The following LRP2 variants were observed in gnomAD, a reference collection of about 807,000 sequenced individuals.
LRP2 encodes low-density lipoprotein receptor-related protein 2.
Under a neutral mutation model 531.0 loss-of-function variants are expected in LRP2, and 172 were observed. The ratio of observed to expected loss-of-function variants is 0.32; its 90% CI spans 0.29 to 0.37. The LOEUF (loss-of-function observed/expected upper bound fraction) is 0.37. Ranked by LOEUF, LRP2 falls within the 10% of genes least tolerant of loss-of-function variation. The pLI, the probability that LRP2 is intolerant of heterozygous loss-of-function variation, is 1.00. For missense variants in LRP2, 5,167 were observed against 5,868.3 expected, an observed-to-expected ratio of 0.88 and a Z score of 3.90; for synonymous variants, 1,992 against 2,027.6, an observed-to-expected ratio of 0.98 and a Z score of 0.47.
chr2:169,336,687 TA>T (rs1411088241), intron 1 of LRP2, among the ~76,000 whole-genome samples: 1 of 152,130 alleles, frequency 6.6e-6, no homozygotes, highest in Non-Finnish European at 1.5e-5. Flanking sequence ...CACTCCAAAC[TA>T]AATGCAACGC....
chr2:169,319,499 T>C (rs774926933), intron 2 of LRP2, among the ~76,000 whole-genome samples: 1 of 152,220 alleles, frequency 6.6e-6, no homozygotes, highest in Non-Finnish European at 1.5e-5. Flanking sequence ...TTGTTATTAT[T>C]TTTACAGGTC....
Position 169,239,709 on chromosome 2 carries a change from G to A in LRP2, c.4112C>T (p.Ala1371Val). ...GAATCCCAATGGACATAGGCATTTAGCCCCAAAGGGCTCTTGAACACACTC... is the reference window on the plus strand; with the variant it reads ...GAATCCCAATGGACATAGGCATTTAACCCCAAAGGGCTCTTGAACACACTC... ...THECVQEPFGAKCLCPLGFLL... is the reference protein window; with the variant it reads ...THECVQEPFGVKCLCPLGFLL... Residue 1371 changes from alanine to valine, a missense_variant, in exon 26 of 79, where the codon GCT (alanine) becomes GTT (valine). This residue lies in a region of LRP2 where 2,811 missense variants were observed against 3,058.0 expected (regional missense o/e 0.92). Transcript: ENST00000649046. 6.2e-7 allele frequency: 1 copy of A among 1,613,960 alleles called. No homozygotes were observed. The highest frequency in any genetic ancestry group is 8.5e-7 in the Non-Finnish European group (1 of 1,179,846).
At chr2:169,184,620 A>G (rs199918776) in intron 50 of LRP2, among the ~76,000 whole-genome samples, 1 of 152,210 alleles carries the variant, frequency 6.6e-6, no homozygotes. Flanking sequence ...CTGGTAGTTT[A>G]GTTAAAATAT....
chr2:169,316,027 C>G (rs948267073), intron 3 of LRP2, among the ~76,000 whole-genome samples: 2 of 149,962 alleles, frequency 1.3e-5, no homozygotes, highest in Admixed American at 6.6e-5. Context: ...GTAGTCCCAG[C>G]TACTCTGGAG....
chr2:169,285,571 C>T (rs1683833413), intron 9 of LRP2, among the ~76,000 whole-genome samples: 1 of 152,128 alleles, frequency 6.6e-6, no homozygotes, highest in Admixed American at 6.5e-5. Context: ...CTCCTCCCAC[C>T]AACAAATACT....
At chr2:169,134,722 A>G (rs1685431491) in intron 76 of LRP2, among the ~76,000 whole-genome samples, 1 of 152,064 alleles carries the variant, frequency 6.6e-6, no homozygotes, top group Non-Finnish European at 1.5e-5. Context: ...GACTCTATAT[A>G]TGCCTTCCAT....
rs775020369 is a variant in LRP2 at position 169,225,382 on chromosome 2, A to C, written c.5466T>G (p.Pro1822=). Reference sequence around the variant, plus strand: ...TCCAATCTAAGGCCAGGTTCATAGAAGGCCCCACCATAGATATAGAAGCAA... The same window carrying C: ...TCCAATCTAAGGCCAGGTTCATAGACGGCCCCACCATAGATATAGAAGCAA... ...TVFASISMVG[P]SMNLALDWIS... Residue 1822 remains proline, a synonymous_variant, in exon 33 of 79, where the codon CCT becomes CCG. Coordinates refer to ENST00000649046, the MANE Select transcript of LRP2 (RefSeq NM_004525.3). 5.6e-6 allele frequency: 9 copies of C among 1,613,882 alleles called. No homozygotes were observed. The Admixed American group carries it at 1.2e-4, about 21-fold the overall frequency.
chr2:169,218,579 C>T (rs1219879446), intron 34 of LRP2, among the ~76,000 whole-genome samples: 1 of 152,116 alleles, frequency 6.6e-6, no homozygotes, highest in Non-Finnish European at 1.5e-5. Context: ...GAACTCCCCA[C>T]CATGGCCCCA....
chr2:169,165,803 A>T, intron 62 of LRP2, 129 bp downstream of exon 62: 1 of 1,109,294 alleles, frequency 9.0e-7, no homozygotes, highest in Non-Finnish European at 1.4e-6. Context: ...GTAAACAATT[A>T]TGTCAGCAGA....
At chr2:169,139,188 T>G in intron 74 of LRP2, 63 bp downstream of exon 74, 1 of 1,612,498 alleles carries the variant, frequency 6.2e-7, no homozygotes, top group Non-Finnish European at 8.5e-7. Flanking sequence ...ACTAAGTCCT[T>G]CACATGGCTT....
At position 169,292,382 on chromosome 2, in the gene LRP2, A is replaced by C. The variant is rs774379598; in HGVS notation, c.653-13T>G. The C allele has an allele frequency of 1.3e-6, 2 of 1,522,262 alleles. No homozygotes were observed. The highest frequency in any genetic ancestry group is 3.3e-5 in the Admixed American group (2 of 59,904). 94.3% of individuals were successfully genotyped at this position (1,522,262 alleles called of 1,614,324 possible). A position where few individuals can be genotyped will look rare whatever the true frequency, so the allele number is the denominator to read the frequency against. On this transcript the variant is annotated splice_polypyrimidine_tract_variant and intron_variant, in intron 6 of 78. Coordinates refer to ENST00000649046, the MANE Select transcript of LRP2 (RefSeq NM_004525.3). The stretch of plus-strand genomic sequence containing the variant: ...CAGGTCGGATAGTCTGGAATAAAGC[A>C]ACAGCTGCACTCCAAAGACACAAAT...
rs1438812708 is a variant in LRP2, at chr2:169,280,626, T to TG, written c.1172-108dup. 1.4e-5 allele frequency: 16 copies of TG among 1,111,916 alleles called. No individual in the cohort carries two copies. In the African/African-American group the frequency reaches 2.2e-4, roughly 15 times the overall value. 68.9% of individuals were successfully genotyped at this position (1,111,916 alleles called of 1,614,324 possible). On this transcript the variant is annotated intron_variant, in intron 10 of 78. Transcript: ENST00000649046. ...CTTTTTCAAATGCTATCTTCTAGGT[T>TG]GTCTTACCTGATTTTAACATAAACC...
At chr2:169,243,659 C>G (rs1689895336) in intron 22 of LRP2, 137 bp from the exon 23 acceptor site, 2 of 983,576 alleles carry the variant, frequency 2.0e-6, no homozygotes, top group South Asian at 2.6e-5. Flanking sequence ...ATCAGCCACA[C>G]TATCAAAGTC....
chr2:169,132,480 C>T (rs1685328939), intron 77 of LRP2, 94 bp downstream of exon 77: 2 of 780,448 alleles, frequency 2.6e-6, no homozygotes, highest in Non-Finnish European at 4.7e-6. Context: ...TTGAGCCTTC[C>T]AGAATCTCCC....
chr2:169,327,481 G>A (rs1391684715), intron 1 of LRP2, among the ~76,000 whole-genome samples: 11 of 115,958 alleles, frequency 9.5e-5, no homozygotes, highest in Admixed American at 2.4e-4. Flanking sequence ...GTCTGGGAGG[G>A]AGGTGGGGGG....
At chr2:169,256,047 T>C in intron 19 of LRP2, 59 bp downstream of exon 19, 4 of 1,571,104 alleles carry the variant, frequency 2.5e-6, no homozygotes, top group Non-Finnish European at 2.6e-6. Context: ...AGGATGAGTT[T>C]ACTATTGTAA....
At position 169,201,795 on chromosome 2, in the gene LRP2, T is replaced by C. The variant is rs147344895; in HGVS notation, c.8285A>G (p.Tyr2762Cys). Residue 2762 changes from tyrosine to cysteine, a missense_variant, in exon 44 of 79, where the codon TAC becomes TGC. Tyr to Cys is a radical substitution (Grantham distance 194). Transcript: ENST00000649046. ...RCVQYSYRCDYYNDCGDGSDE... is the reference protein window; with the variant it reads ...RCVQYSYRCDCYNDCGDGSDE... ...ACTGCCATCACCACAGTCATTGTAG[T>C]AATCACAGCGGTAAGAGTATTGGAC... is the stretch of plus-strand genomic sequence containing the variant. 1 of 1,614,236 alleles carries C rather than the reference T, an allele frequency of 6.2e-7. No individual in the cohort carries two copies. The highest frequency in any genetic ancestry group is 8.5e-7 in the Non-Finnish European group (1 of 1,180,042).
At chr2:169,255,119 A>G (rs1690251410) in intron 19 of LRP2, among the ~76,000 whole-genome samples, 2 of 152,126 alleles carry the variant, frequency 1.3e-5, no homozygotes, top group Admixed American at 1.3e-4. Context: ...TTAATTATTC[A>G]AAGTAGGAGG....
rs937529853 is a variant in LRP2, at chr2:169,289,245, T to C, written c.923-100A>G. The C allele has an allele frequency of 1.4e-5, 20 of 1,447,558 alleles. 2 individuals are homozygous for C. The Admixed American group carries it at 3.0e-4, about 22-fold the overall frequency. 89.7% of individuals were successfully genotyped at this position (1,447,558 alleles called of 1,614,324 possible). A position where few individuals can be genotyped will look rare whatever the true frequency, so the allele number is the denominator to read the frequency against. ...TCCATGAGTAGCAGCTCAGTAAGCA[T>C]GAAGTAGATGTACAGAAAAATCTGT... On this transcript the variant is annotated intron_variant, in intron 8 of 78. Transcript: ENST00000649046.
Sources: allele counts gnomAD v4.1 joint callset (sites outside exome capture counted in the v4.1 genomes callset), GRCh38; gene constraint gnomAD v4.1.1; regional missense constraint gnomAD v4.1.1; transcripts MANE v1.5; gene names NCBI Gene and HGNC (gene_info 2026-07-23, HGNC 2026-07-21).